The following MYO5B variants were observed in gnomAD, a reference collection of about 807,000 sequenced individuals.
The protein encoded by MYO5B is unconventional myosin-Vb.
Under a neutral mutation model 229.3 loss-of-function variants are expected in MYO5B, and 143 were observed. That is an observed-to-expected ratio of 0.62 (90% CI 0.54 to 0.72). The LOEUF (loss-of-function observed/expected upper bound fraction) is 0.72, where lower values mean the gene tolerates loss of function less well. Among genes scored for constraint, MYO5B ranks in the 30% least tolerant of loss-of-function variants. The pLI is 0.00. For synonymous variants in MYO5B, 918 were observed against 885.2 expected (o/e 1.04, Z -0.66); for missense variants, 2,321 against 2,331.0 (o/e 1.00, Z 0.09).
chr18:49,849,911 G>A (rs1002909353), intron 31 of MYO5B: 7 of 503,358 alleles, frequency 1.4e-5, no homozygotes, highest in Non-Finnish European at 2.5e-5. Flanking sequence ...CAGGCTCTCT[G>A]GCGCCTTGCT....
chr18:49,844,107 G>T (rs565726451), intron 33 of MYO5B, among the ~76,000 whole-genome samples: 13 of 152,350 alleles, frequency 8.5e-5, no homozygotes, highest in African/African-American at 3.1e-4. Flanking sequence ...TGCTCTGGCT[G>T]GACTGGAAGG....
intron 16 of MYO5B, among the ~76,000 whole-genome samples, chr18:49,932,888 T>A (rs1462821262): frequency 6.6e-6 from 1 of 152,168 alleles, no homozygotes. Context: ...ATTAGGTGAC[T>A]AGGAATGGAA....
At chr18:49,972,601 G>T (rs572836985) in intron 10 of MYO5B, among the ~76,000 whole-genome samples, 2 of 152,346 alleles carry the variant, frequency 1.3e-5, no homozygotes, top group East Asian at 3.9e-4. Flanking sequence ...AATTGGGTCA[G>T]CTTGGGTTTC....
chr18:49,830,524 G>C (rs534705990), intron 39 of MYO5B, among the ~76,000 whole-genome samples: 9 of 152,090 alleles, frequency 5.9e-5, no homozygotes, highest in Middle Eastern at 6.8e-3. Context: ...AAACTTCAAG[G>C]GATCTTGACT....
chr18:49,868,870 C>T (rs1475629786), intron 27 of MYO5B, among the ~76,000 whole-genome samples: 1 of 152,196 alleles, frequency 6.6e-6, no homozygotes, highest in East Asian at 1.9e-4. Flanking sequence ...GTGCAGGGTA[C>T]GTAGTCAATG....
chr18:50,042,597 C>G (rs1293761534), intron 2 of MYO5B, among the ~76,000 whole-genome samples: 1 of 152,194 alleles, frequency 6.6e-6, no homozygotes, highest in South Asian at 2.1e-4. Context: ...TGGCGAATGT[C>G]CGAGGGCTGA....
At chr18:49,922,855 C>G (rs1446587208) in intron 17 of MYO5B, among the ~76,000 whole-genome samples, 1 of 152,138 alleles carries the variant, frequency 6.6e-6, no homozygotes, top group African/African-American at 2.4e-5. Flanking sequence ...CAGTAAAAGA[C>G]AGCTATCAGC....
intron 9 of MYO5B, among the ~76,000 whole-genome samples, chr18:49,976,114 G>A (rs1157571764): frequency 1.3e-5 from 2 of 152,190 alleles, no homozygotes; most frequent in South Asian, 4.1e-4. Flanking sequence ...CAAGCCTGCT[G>A]GAAAGCTTAT....
intron 4 of MYO5B, among the ~76,000 whole-genome samples, chr18:50,034,124 C>G (rs2026422015): frequency 6.6e-6 from 1 of 152,220 alleles, no homozygotes; most frequent in Non-Finnish European, 1.5e-5. Flanking sequence ...GTTTCTTACA[C>G]CTTTCATTTC....
intron 26 of MYO5B, among the ~76,000 whole-genome samples, chr18:49,872,998 G>T (rs762981950): frequency 5.9e-5 from 9 of 152,332 alleles, no homozygotes; most frequent in Admixed American, 1.3e-4. Context: ...GCTCCCCAGT[G>T]TGTTGTTTCC....
chr18:50,111,924 T>A (rs2031871974), intron 1 of MYO5B, among the ~76,000 whole-genome samples: 1 of 152,168 alleles, frequency 6.6e-6, no homozygotes, highest in African/African-American at 2.4e-5. Context: ...GTACCTACTA[T>A]GTGCCAGGCA....
chr18:50,041,133 T>A lies in MYO5B; in HGVS notation c.139-819A>T, dbSNP rs574890852. Among the ~76,000 whole-genome samples, 7 of 152,310 alleles carry A rather than the reference T, an allele frequency of 4.6e-5. No homozygotes were observed. In the South Asian group the frequency reaches 1.4e-3, roughly 32 times the overall value. The stretch of plus-strand genomic sequence containing the variant: ...CTGAGTGCTAAGATTCTTATGGTGT[T>A]CTTAAAAATCTTCTGAGACGCTTAT... On this transcript the variant is annotated intron_variant, in intron 2 of 39. Transcript: ENST00000285039.
chr18:50,194,450 T>C (rs1192485282), intron 1 of MYO5B, among the ~76,000 whole-genome samples: 2 of 151,894 alleles, frequency 1.3e-5, no homozygotes, highest in African/African-American at 2.4e-5. Context: ...GGGAACTCGG[T>C]TGGAGCCGAG....
At chr18:49,982,186 T>G (rs1221664624) in intron 8 of MYO5B, among the ~76,000 whole-genome samples, 1 of 152,178 alleles carries the variant, frequency 6.6e-6, no homozygotes, top group African/African-American at 2.4e-5. Flanking sequence ...TCCTCCCACT[T>G]CAGCCTCTTG....
chr18:49,838,411 T>G (rs1472600190), intron 36 of MYO5B, among the ~76,000 whole-genome samples: 1 of 152,198 alleles, frequency 6.6e-6, no homozygotes. Flanking sequence ...CAGCTTGATA[T>G]GTCAGTTCTC....
At chr18:49,879,730 A>T (rs371199005) in intron 23 of MYO5B, among the ~76,000 whole-genome samples, 121 of 152,314 alleles carry the variant, frequency 7.9e-4, no homozygotes, top group African/African-American at 2.8e-3. Flanking sequence ...GTTGAAGCAG[A>T]AACTGGGGTC....
At chr18:50,134,789 T>C (rs1014915549) in intron 1 of MYO5B, among the ~76,000 whole-genome samples, 3 of 152,132 alleles carry the variant, frequency 2.0e-5, no homozygotes, top group African/African-American at 7.2e-5. Context: ...CATGGAATTT[T>C]TGTCTTCCAA....
intron 2 of MYO5B, among the ~76,000 whole-genome samples, chr18:50,042,957 G>T (rs1268185648): frequency 6.6e-6 from 1 of 152,100 alleles, no homozygotes; most frequent in African/African-American, 2.4e-5. Context: ...TAGATTCTCA[G>T]ATGAATCTCT....
intron 1 of MYO5B, among the ~76,000 whole-genome samples, chr18:50,086,280 T>G (rs1415527116): frequency 2.0e-5 from 3 of 152,288 alleles, no homozygotes; most frequent in African/African-American, 7.2e-5. Flanking sequence ...AGCCATTATC[T>G]TGACAGTGGA....
Sources: allele counts gnomAD v4.1 joint callset (sites outside exome capture counted in the v4.1 genomes callset), GRCh38; gene constraint gnomAD v4.1.1; transcripts MANE v1.5; gene names NCBI Gene and HGNC (gene_info 2026-07-23, HGNC 2026-07-21).